The following ALKAL1 variants were observed in gnomAD, a reference collection of about 807,000 sequenced individuals.
ALKAL1 encodes the protein AUG-beta.
ALKAL1 carries 23 observed loss-of-function variants against 13.5 expected under a neutral mutation model. The observed-to-expected ratio is 1.70, with a 90% CI of 1.23 to 2.41. The LOEUF is 2.41. ALKAL1 is among the 30% of genes most tolerant of loss of function. The probability of loss-of-function intolerance (pLI) is 0.00; values close to 1 mark genes in which losing one functional copy is unlikely to be tolerated. For synonymous variants in ALKAL1, 85 were observed against 77.7 expected (o/e 1.09, Z -0.49); for missense variants, 181 against 178.4 (o/e 1.01, Z -0.08).
At chr8:52,554,053 G>A (rs753486036) in intron 1 of ALKAL1, among the ~76,000 whole-genome samples, 7 of 152,000 alleles carry the variant, frequency 4.6e-5, no homozygotes, top group East Asian at 1.9e-4. Context: ...GAGAAACCCC[G>A]TCTCTACTAA....
At chr8:52,547,118 T>C (rs1306245364) in intron 1 of ALKAL1, among the ~76,000 whole-genome samples, 1 of 152,204 alleles carries the variant, frequency 6.6e-6, no homozygotes, top group Non-Finnish European at 1.5e-5. Flanking sequence ...AATAAAAAAC[T>C]GATTGAAAAT....
chr8:52,558,645 G>C (rs1244777479), intron 1 of ALKAL1, among the ~76,000 whole-genome samples: 2 of 151,876 alleles, frequency 1.3e-5, no homozygotes, highest in African/African-American at 2.4e-5. Flanking sequence ...AGTCGGGCTC[G>C]TTTATAGGCA....
rs566156836 is a variant in ALKAL1, at chr8:52,564,510, A to G, written c.190+557T>C. Reference sequence around the variant, plus strand: ...CTAAGTAGCAGGAACCTGACTGTCCAAAGTTGATTTGGGAGCAGCCGGCTG... The same window carrying G: ...CTAAGTAGCAGGAACCTGACTGTCCGAAGTTGATTTGGGAGCAGCCGGCTG... On this transcript the variant is annotated intron_variant, in intron 1 of 4. Transcript: ENST00000358543. Among the ~76,000 whole-genome samples the G allele has an allele frequency of 3.3e-3, 506 of 152,226 alleles. 2 individuals carry two copies. The highest frequency in any genetic ancestry group is 0.011 in the African/African-American group (471 of 41,544).
At chr8:52,554,182 C>G (rs977063589) in intron 1 of ALKAL1, among the ~76,000 whole-genome samples, 1 of 152,184 alleles carries the variant, frequency 6.6e-6, no homozygotes, top group Non-Finnish European at 1.5e-5. Context: ...CGAGATCGCA[C>G]CATTGCACTC....
chr8:52,540,604 G>A (rs12114976), intron 2 of ALKAL1, among the ~76,000 whole-genome samples: 4 of 152,034 alleles, frequency 2.6e-5, no homozygotes, highest in South Asian at 2.1e-4. Context: ...GGCGGCACAC[G>A]CCTGTAGTCC....
chr8:52,551,007 GA>G (rs1847422914), intron 1 of ALKAL1, among the ~76,000 whole-genome samples: 1 of 152,102 alleles, frequency 6.6e-6, no homozygotes, highest in African/African-American at 2.4e-5. Context: ...TGAATTCACT[GA>G]ATAAATTGGA....
At chr8:52,537,356 T>C (rs1432836276) in intron 4 of ALKAL1, among the ~76,000 whole-genome samples, 1 of 152,166 alleles carries the variant, frequency 6.6e-6, no homozygotes, top group East Asian at 1.9e-4. Flanking sequence ...AAGGAACCTT[T>C]ATATACTGTT....
intron 1 of ALKAL1, among the ~76,000 whole-genome samples, chr8:52,553,236 T>G (rs2150346639): frequency 6.6e-6 from 1 of 152,192 alleles, no homozygotes; most frequent in Admixed American, 6.5e-5. Flanking sequence ...TGGTCCATGC[T>G]ATTTGGGAGG....
chr8:52,534,469 C>T lies in ALKAL1; in HGVS notation c.*144G>A. On this transcript the variant is annotated 3_prime_UTR_variant, in exon 5 of 5. Transcript: ENST00000358543. ...CCATTCTATGACAGGAAACAGCTAA[C>T]CAGTTATTTCTGGGAAGTCTCTTAT... The T allele has an allele frequency of 2.2e-6, 1 of 449,178 alleles. No homozygotes were observed. Among genetic ancestry groups the T allele is most frequent in the Non-Finnish European group, 3.9e-6 (1 of 258,418 alleles). 27.8% of individuals were successfully genotyped at this position (449,178 alleles called of 1,614,324 possible). A position where few individuals can be genotyped will look rare whatever the true frequency, so the allele number is the denominator to read the frequency against.
At chr8:52,549,919 G>T (rs529999736) in intron 1 of ALKAL1, among the ~76,000 whole-genome samples, 1 of 152,232 alleles carries the variant, frequency 6.6e-6, no homozygotes, top group South Asian at 2.1e-4. Flanking sequence ...TCCAGCCTGG[G>T]TGACAGAGTG....
At chr8:52,549,497 C>T (rs957230520) in intron 1 of ALKAL1, among the ~76,000 whole-genome samples, 12 of 151,200 alleles carry the variant, frequency 7.9e-5, no homozygotes, top group South Asian at 2.1e-4. Flanking sequence ...CTGCCTTCAT[C>T]GTAACATGAA....
chr8:52,540,050 T>TC (rs1392005932), intron 2 of ALKAL1, 139 bp from the exon 3 acceptor site: 1 of 558,178 alleles, frequency 1.8e-6, no homozygotes, highest in Non-Finnish European at 3.1e-6. Flanking sequence ...TGAGAGCTCT[T>TC]CCCCCTACCC....
chr8:52,556,239 C>T (rs1847479806), intron 1 of ALKAL1, among the ~76,000 whole-genome samples: 1 of 151,886 alleles, frequency 6.6e-6, no homozygotes, highest in South Asian at 2.1e-4. Context: ...ATCTGATTAC[C>T]ATATGTTAAA....
At position 52,548,608 on chromosome 8, in the gene ALKAL1, T is replaced by C. The variant is rs116042792; in HGVS notation, c.191-6163A>G. Among the ~76,000 whole-genome samples the C allele has an allele frequency of 5.1e-3, 769 of 152,252 alleles. 16 individuals carry two copies. The highest frequency in any genetic ancestry group is 0.017 in the African/African-American group (724 of 41,546). On this transcript the variant is annotated intron_variant, in intron 1 of 4. Transcript: ENST00000358543. Reference sequence around the variant, plus strand: ...ATATTGAAACATCACTATGTACCCATTATTTGCCAATTAAAAAATAATATA... The same window carrying C: ...ATATTGAAACATCACTATGTACCCACTATTTGCCAATTAAAAAATAATATA...
At chr8:52,555,240 A>C (rs879533288) in intron 1 of ALKAL1, among the ~76,000 whole-genome samples, 6 of 151,844 alleles carry the variant, frequency 4.0e-5, no homozygotes, top group African/African-American at 7.3e-5. Context: ...CGGTGGGATC[A>C]TGGGCAGGAA....
intron 1 of ALKAL1, among the ~76,000 whole-genome samples, chr8:52,544,823 C>A (rs1169103054): frequency 1.3e-5 from 2 of 152,176 alleles, no homozygotes; most frequent in East Asian, 3.8e-4. Flanking sequence ...CCACTGCACT[C>A]TGTATACATA....
rs552659380 is a variant in ALKAL1 at position 52,565,191 on chromosome 8, C to T, written c.66G>A (p.Pro22=). 2 of 1,359,432 alleles carry T rather than the reference C, an allele frequency of 1.5e-6. No homozygotes were observed. Among genetic ancestry groups the T allele is most frequent in the African/African-American group, 1.5e-5 (1 of 65,416 alleles). The allele number at this position is 1,359,432 out of a possible 1,614,324, so 84.2% of individuals were successfully genotyped here. ...ALFLLALALS[P]HGAHGRPRGR... ...CCCGGGGCCTCCCGTGGGCTCCGTG[C>T]GGGGACAAAGCCAGCGCCAGCAGGA... Residue 22 remains proline (P), a synonymous_variant, in exon 1 of 5, where the codon CCG becomes CCA. Coordinates refer to ENST00000358543, the MANE Select transcript of ALKAL1 (RefSeq NM_207413.4).
chr8:52,537,591 T>C (rs1847275882), intron 4 of ALKAL1, among the ~76,000 whole-genome samples: 1 of 152,036 alleles, frequency 6.6e-6, no homozygotes, highest in South Asian at 2.1e-4. Flanking sequence ...CATCAATGGA[T>C]GAATGGATAA....
intron 2 of ALKAL1, among the ~76,000 whole-genome samples, chr8:52,541,453 A>G (rs1027105756): frequency 2.2e-4 from 33 of 152,254 alleles, no homozygotes; most frequent in African/African-American, 7.5e-4. Context: ...TGAGTGATGG[A>G]GCCAGACCCT....
Sources: gnomAD v4.1 joint callset for allele counts (sites outside exome capture counted in the v4.1 genomes callset) on GRCh38, gnomAD v4.1.1 for gene constraint, MANE v1.5 for transcripts, NCBI Gene and HGNC (gene_info 2026-07-23, HGNC 2026-07-21) for gene names.